The following NIPA2 variants were observed in gnomAD, a reference collection of about 807,000 sequenced individuals.
NIPA2 encodes the protein magnesium transporter NIPA2.
Under a neutral mutation model 29.7 loss-of-function variants are expected in NIPA2, and 11 were observed. The observed-to-expected ratio is 0.37, with a 90% CI of 0.23 to 0.61. The LOEUF (loss-of-function observed/expected upper bound fraction) is 0.61. NIPA2 is among the 20% of genes least tolerant of loss of function. The pLI, the probability that NIPA2 is intolerant of heterozygous loss-of-function variation, is 0.66. For missense variants in NIPA2, 426 were observed against 437.9 expected, an observed-to-expected ratio of 0.97 and a Z score of 0.24; for synonymous variants, 183 against 161.9, an observed-to-expected ratio of 1.13 and a Z score of -0.99.
At chr15:22,845,739 A>G (rs1338655531) in intron 3 of NIPA2, among the ~76,000 whole-genome samples, 1 of 151,972 alleles carries the variant, frequency 6.6e-6, no homozygotes, top group Non-Finnish European at 1.5e-5. Flanking sequence ...GTGTTAGGAA[A>G]TGAAGTGGGC....
chr15:22,864,407 G>A (rs1404665793), intron 7 of NIPA2, among the ~76,000 whole-genome samples: 2 of 152,270 alleles, frequency 1.3e-5, no homozygotes, highest in East Asian at 3.9e-4. Context: ...GCCCACCTCG[G>A]CCGCCCAAAG....
intron 7 of NIPA2, among the ~76,000 whole-genome samples, chr15:22,863,302 T>C (rs2058747713): frequency 6.6e-6 from 1 of 152,022 alleles, no homozygotes; most frequent in African/African-American, 2.4e-5. Flanking sequence ...TGGGCTGGTC[T>C]CAACCTACTG....
In NIPA2 at chr15:22,858,631, G is replaced by T; in HGVS notation, c.287+1G>T. ...TAGGAGCTCTCAGCGTGCTAGTAAGGTAAGGACACGTTTTTCATGTAGAAA... is the reference window on the plus strand; with the variant it reads ...TAGGAGCTCTCAGCGTGCTAGTAAGTTAAGGACACGTTTTTCATGTAGAAA... On this transcript the variant is annotated splice_donor_variant, in intron 6 of 7. Transcript: ENST00000337451. LOFTEE classifies it high-confidence loss of function. The T allele has an allele frequency of 6.4e-7, 1 of 1,566,122 alleles. No homozygotes were observed. Among genetic ancestry groups the T allele is most frequent in the Non-Finnish European group, 8.7e-7 (1 of 1,149,768 alleles).
chr15:22,860,514 A>G (rs1408226399), intron 6 of NIPA2, 115 bp from the exon 7 acceptor site: 3 of 721,080 alleles, frequency 4.2e-6, no homozygotes, highest in South Asian at 2.0e-5. Context: ...CAGAATCTTC[A>G]TAAGTTCACA....
intron 2 of NIPA2, among the ~76,000 whole-genome samples, chr15:22,844,220 T>G (rs1331661617): frequency 6.6e-6 from 1 of 152,220 alleles, no homozygotes; most frequent in African/African-American, 2.4e-5. Flanking sequence ...ATGCTTTATG[T>G]TTAATGAAAG....
chr15:22,857,575 G>A (rs573174155), intron 5 of NIPA2, among the ~76,000 whole-genome samples: 49 of 151,872 alleles, frequency 3.2e-4, no homozygotes, highest in African/African-American at 9.9e-4. Flanking sequence ...GGTGGCTCAC[G>A]CCTATAATCC....
intron 2 of NIPA2, among the ~76,000 whole-genome samples, chr15:22,842,924 A>G (rs1897499612): frequency 6.6e-6 from 1 of 151,522 alleles, no homozygotes; most frequent in African/African-American, 2.4e-5. Flanking sequence ...AATGGCATGA[A>G]CCCAGGAGGC....
At chr15:22,845,361 G>C (rs998439268) in intron 3 of NIPA2, 94 bp downstream of exon 3, 4 of 152,042 alleles carry the variant, frequency 2.6e-5, no homozygotes, top group African/African-American at 9.7e-5. Flanking sequence ...TCATCCCCCA[G>C]CCCTCCACAC....
intron 7 of NIPA2, among the ~76,000 whole-genome samples, chr15:22,861,506 T>G (rs1018606360): frequency 1.3e-5 from 2 of 152,182 alleles, no homozygotes; most frequent in Non-Finnish European, 2.9e-5. Context: ...CATGAAGAGA[T>G]GAGATTTTTT....
rs138141434 is a variant in NIPA2 at position 22,858,387 on chromosome 15, C to G, written c.197-153C>G. On this transcript the variant is annotated intron_variant, in intron 5 of 7. Coordinates refer to ENST00000337451, the MANE Select transcript of NIPA2 (RefSeq NM_030922.7). Reference sequence around the variant, plus strand: ...GCAGCCTGGGCGACAGAGTGAGACTCCGTCTCAAAAAAATAAAAATAATAA... The same window carrying G: ...GCAGCCTGGGCGACAGAGTGAGACTGCGTCTCAAAAAAATAAAAATAATAA... Among the ~76,000 whole-genome samples the G allele has an allele frequency of 0.054, 8,239 of 152,030 alleles. 315 individuals carry two copies. Among genetic ancestry groups the G allele is most frequent in the Admixed American group, 0.092 (1,408 of 15,292 alleles).
intron 7 of NIPA2, among the ~76,000 whole-genome samples, chr15:22,862,032 T>C (rs4778407): frequency 0.88 from 128,058 of 145,808 alleles, 56,519 homozygotes; most frequent in African/African-American, 0.96. Context: ...CCACCATGCC[T>C]CGCCTGATGG....
At chr15:22,860,971 C>T (rs958694396) in intron 7 of NIPA2, among the ~76,000 whole-genome samples, 182 bp downstream of exon 7, 5 of 152,176 alleles carry the variant, frequency 3.3e-5, no homozygotes, top group African/African-American at 1.2e-4. Flanking sequence ...TTCTTTAACT[C>T]TGTGTTTGTA....
rs562572528 is a variant in NIPA2 at position 22,846,155 on chromosome 15, G to A, written c.-94+888G>A. 5.7e-4 allele frequency among the ~76,000 whole-genome samples: 87 copies of A among 152,274 alleles called. 1 individual carries two copies. In the South Asian group the frequency reaches 0.017, roughly 30 times the overall value. On this transcript the variant is annotated intron_variant, in intron 3 of 7. Coordinates refer to ENST00000337451, the MANE Select transcript of NIPA2 (RefSeq NM_030922.7). ...GATAGAACGGAGAACCAGGGGCTGC[G>A]GGAGGCAAGGCTTTGTGGTAACGAG...
rs533855023 is a variant in NIPA2, at chr15:22,847,654, G to T, written c.-94+2387G>T. Among the ~76,000 whole-genome samples the T allele has an allele frequency of 2.0e-5, 3 of 152,092 alleles. No homozygotes were observed. The East Asian group carries it at 5.8e-4, about 29-fold the overall frequency. ...AATTTTTGTATTTTTAGTAGAGATG[G>T]GGTTTCACCATGTTGGCAAGGATGG... On this transcript the variant is annotated intron_variant, in intron 3 of 7. Transcript: ENST00000337451.
intron 3 of NIPA2, among the ~76,000 whole-genome samples, chr15:22,850,738 C>T (rs778021817): frequency 3.0e-4 from 46 of 152,206 alleles, no homozygotes; most frequent in Middle Eastern, 6.8e-3. Flanking sequence ...TGGTTAAAAG[C>T]CAGTGTCTCA....
intron 6 of NIPA2, 50 bp downstream of exon 6, chr15:22,858,680 A>C (rs1254336001): frequency 8.7e-7 from 1 of 1,145,066 alleles, no homozygotes. Flanking sequence ...CTTAGTTTCT[A>C]AAATATTCAG....
intron 1 of NIPA2, among the ~76,000 whole-genome samples, chr15:22,839,339 T>G (rs547655056): frequency 1.6e-4 from 25 of 152,348 alleles, no homozygotes; most frequent in African/African-American, 5.1e-4. Flanking sequence ...ACTGTGTGTT[T>G]AGTTTGGTGT....
chr15:22,841,511 CT>C (rs948266703), intron 2 of NIPA2, among the ~76,000 whole-genome samples: 5 of 151,416 alleles, frequency 3.3e-5, no homozygotes, highest in Admixed American at 2.0e-4. Flanking sequence ...TGACACTCAC[CT>C]TTTTTTTTCT....
At chr15:22,844,893 G>T (rs764515217) in intron 2 of NIPA2, among the ~76,000 whole-genome samples, 9 of 152,178 alleles carry the variant, frequency 5.9e-5, no homozygotes, top group Non-Finnish European at 1.0e-4. Flanking sequence ...TAGTCGTGGA[G>T]TCCTTGAGGA....
Sources: gnomAD v4.1 joint callset for allele counts (sites outside exome capture counted in the v4.1 genomes callset) on GRCh38, gnomAD v4.1.1 for gene constraint, MANE v1.5 for transcripts, NCBI Gene and HGNC (gene_info 2026-07-23, HGNC 2026-07-21) for gene names.